USP42: variants seen among roughly 807,000 people sequenced by gnomAD.
USP42 encodes the protein ubiquitin carboxyl-terminal hydrolase 42.
Under a neutral mutation model 113.0 loss-of-function variants are expected in USP42, and 23 were observed. That is an observed-to-expected ratio of 0.20 (90% CI 0.15 to 0.29). The LOEUF is 0.29. Among genes scored for constraint, USP42 ranks in the 10% least tolerant of loss-of-function variants. The pLI is 1.00. For synonymous variants in USP42, 933 were observed against 699.0 expected (o/e 1.33, Z -5.28); for missense variants, 2,174 against 1,779.8 (o/e 1.22, Z -3.99).
chr7:6,084,026 T>A, the USP42 span, among the ~76,000 whole-genome samples: 1 of 150,820 alleles, frequency 6.6e-6, no homozygotes, highest in Non-Finnish European at 1.5e-5. Flanking sequence ...CGAAGAGGGT[T>A]TTTGTTTTGT....
At chr7:6,135,651 C>CAAAAAAAA (rs1173165919) in intron 3 of USP42, among the ~76,000 whole-genome samples, 190 bp from the exon 4 acceptor site, 7 of 16,148 alleles carry the variant, frequency 4.3e-4, no homozygotes, top group Non-Finnish European at 7.1e-4. Context: ...GACTCCATCT[C>CAAAAAAAA]AAAAAAAAAA....
chr7:6,143,772 A>C (rs1000548894), intron 8 of USP42, among the ~76,000 whole-genome samples: 1 of 152,096 alleles, frequency 6.6e-6, no homozygotes, highest in Non-Finnish European at 1.5e-5. Context: ...CAGTCTGAAC[A>C]TGTTCGTTTT....
upstream of USP42, among the ~76,000 whole-genome samples, chr7:6,102,391 C>T (rs952532042): frequency 2.7e-5 from 4 of 149,746 alleles, 1 homozygote. Context: ...GGATTACAGG[C>T]GTGAGCCACC....
rs1286476957 is a variant in USP42, at chr7:6,147,838, C to T, written c.1332C>T (p.Asn444=). ...RPVISQRVVT[N]KQAAPGFIGP... is the part of the protein sequence containing the mutation. ...TCATCAGTCAGCGGGTTGTCACCAACAAACAGGCTGCGCCAGGCTTTATCG... is the reference window on the plus strand; with the variant it reads ...TCATCAGTCAGCGGGTTGTCACCAATAAACAGGCTGCGCCAGGCTTTATCG... The change falls in exon 12 of 18, where the codon AAC becomes AAT. Residue 444 remains asparagine (N), a synonymous_variant. Coordinates refer to ENST00000306177, the MANE Select transcript of USP42 (RefSeq NM_032172.3). 6.2e-7 allele frequency: 1 copy of T among 1,613,528 alleles called. No individual in the cohort carries two copies. The highest frequency in any genetic ancestry group is 8.5e-7 in the Non-Finnish European group (1 of 1,179,674).
At chr7:6,134,654 A>G (rs1177559209) in intron 3 of USP42, among the ~76,000 whole-genome samples, 1 of 152,210 alleles carries the variant, frequency 6.6e-6, no homozygotes, top group African/African-American at 2.4e-5. Flanking sequence ...TAGATGCTGC[A>G]GCATCACTTA....
chr7:6,092,802 C>T, the USP42 span, among the ~76,000 whole-genome samples: 3 of 151,228 alleles, frequency 2.0e-5, no homozygotes, highest in South Asian at 2.1e-4. Context: ...TAGGAGACAC[C>T]GGTCCTCAGA....
the USP42 span, chr7:6,089,016 C>A: frequency 6.9e-6 from 1 of 144,946 alleles, no homozygotes; most frequent in Non-Finnish European, 1.5e-5. Context: ...ACTGGGGTTT[C>A]TTTTCTATAT....
intron 3 of USP42, among the ~76,000 whole-genome samples, chr7:6,119,716 T>G (rs1483968182): frequency 6.6e-6 from 1 of 152,186 alleles, no homozygotes; most frequent in African/African-American, 2.4e-5. Context: ...GTTTTGTTTT[T>G]TTTTAGTGAC....
At chr7:6,134,241 G>A (rs935992476) in intron 3 of USP42, among the ~76,000 whole-genome samples, 1 of 152,026 alleles carries the variant, frequency 6.6e-6, no homozygotes, top group Admixed American at 6.6e-5. Context: ...CTTGAACATA[G>A]GAATATATTT....
In USP42 at chr7:6,154,506, C is replaced by A; in HGVS notation, c.2952C>A (p.Cys984Ter). 2 of 1,541,336 alleles carry A rather than the reference C, an allele frequency of 1.3e-6. No individual in the cohort carries two copies. Residue 984 changes from cysteine (C) to a stop codon, truncating the protein, a stop_gained, in exon 15 of 18, where the codon TGC (cysteine) becomes TGA (stop). Transcript: ENST00000306177. LOFTEE classifies it high-confidence loss of function. The part of the protein sequence containing the change: ...EGHRHRRRRT[C>*]PRERDRQDRH... Reference sequence around the variant, plus strand: ...ACCGTCACCGGCGGCGCCGCACCTGCCCCCGGGAGCGCGACCGCCAGGACC... The same window carrying A: ...ACCGTCACCGGCGGCGCCGCACCTGACCCCGGGAGCGCGACCGCCAGGACC...
chr7:6,116,254 C>T (rs546622485), intron 3 of USP42, among the ~76,000 whole-genome samples: 11 of 152,196 alleles, frequency 7.2e-5, no homozygotes, highest in African/African-American at 1.4e-4. Flanking sequence ...TGTCACTGCC[C>T]GCAACCTCCT....
At position 6,149,960 on chromosome 7, in the gene USP42, C is replaced by T. The variant is rs1327181933; in HGVS notation, c.1764C>T (p.Cys588=). 2 of 1,613,978 alleles carry T rather than the reference C, an allele frequency of 1.2e-6. No homozygotes were observed. Among genetic ancestry groups the T allele is most frequent in the Non-Finnish European group, 1.7e-6 (2 of 1,179,880 alleles). The change falls in exon 13 of 18, where the codon TGC becomes TGT. Residue 588 remains cysteine (C), a synonymous_variant. Coordinates refer to ENST00000306177, the MANE Select transcript of USP42 (RefSeq NM_032172.3). ...AACCGATCCCCCGCAGTGAATCCTG[C>T]TCCCAGCCCGTGATGAATGGCAAAT... ...VTKPIPRSES[C]SQPVMNGKSK...
At chr7:6,082,581 C>T in the USP42 span, among the ~76,000 whole-genome samples, 2 of 142,736 alleles carry the variant, frequency 1.4e-5, no homozygotes, top group East Asian at 4.1e-4. Flanking sequence ...AAGGAGACTG[C>T]GTCTCTATTT....
chr7:6,133,413 A>G (rs1780956486), intron 3 of USP42, among the ~76,000 whole-genome samples: 2 of 152,134 alleles, frequency 1.3e-5, no homozygotes, highest in Admixed American at 6.6e-5. Context: ...GTGTTTTATT[A>G]TGGATATTTT....
Position 6,156,845 on chromosome 7 carries a change from A to C in USP42, c.3733A>C (p.Arg1245=). Residue 1245 remains arginine, a synonymous_variant, in exon 16 of 18, where the codon AGA becomes CGA. Coordinates refer to ENST00000306177, the MANE Select transcript of USP42 (RefSeq NM_032172.3). ...GAAGAAGAAAAAGAAGAGACATTCA[A>C]GAAAATCAGAGGACTTTGTTAAAGA... The part of the protein sequence containing the change: ...KKKKKKKRHS[R]KSEDFVKDSE... 1 of 1,609,890 alleles carries C rather than the reference A, an allele frequency of 6.2e-7. No homozygotes were observed. Among genetic ancestry groups the C allele is most frequent in the Non-Finnish European group, 8.5e-7 (1 of 1,178,950 alleles).
intron 4 of USP42, among the ~76,000 whole-genome samples, chr7:6,136,490 T>A (rs1162046381): frequency 6.6e-6 from 1 of 152,216 alleles, no homozygotes; most frequent in Non-Finnish European, 1.5e-5. Flanking sequence ...ACTATTCAAT[T>A]TAATATAACA....
upstream of USP42, among the ~76,000 whole-genome samples, chr7:6,100,441 T>A (rs899077433): frequency 6.6e-6 from 1 of 150,764 alleles, no homozygotes; most frequent in Admixed American, 6.6e-5. Context: ...GCGATTCTCT[T>A]GCCTCAGCCT....
Position 6,155,122 on chromosome 7 carries a change from C to CTTT in USP42, c.3568_3569insTTT (p.Pro1190delinsLeuSer). 5 of 1,555,968 alleles carry CTTT rather than the reference C, an allele frequency of 3.2e-6. No homozygotes were observed. Among genetic ancestry groups the CTTT allele is most frequent in the Non-Finnish European group, 4.3e-6 (5 of 1,150,452 alleles). On this transcript the variant is annotated protein_altering_variant, in exon 15 of 18. Transcript: ENST00000306177. ...CGAACAGAAGGATCCTCTAGAAGAG[C>CTTT]CTAAAGCAAAGAAGCACAAAAAATC...
At chr7:6,141,900 A>G (rs1219265405) in intron 7 of USP42, among the ~76,000 whole-genome samples, 2 of 152,176 alleles carry the variant, frequency 1.3e-5, no homozygotes, top group Non-Finnish European at 2.9e-5. Flanking sequence ...TGTATTGTTC[A>G]CTTTTTATAT....
Sources: gnomAD v4.1 joint callset for allele counts (sites outside exome capture counted in the v4.1 genomes callset) on GRCh38, gnomAD v4.1.1 for gene constraint, MANE v1.5 for transcripts, NCBI Gene and HGNC (gene_info 2026-07-23, HGNC 2026-07-21) for gene names.